Variants in B4GALT5 observed in about 807,000 individuals in gnomAD.
The protein encoded by B4GALT5 is UDP-Gal:beta-GlcNAc beta-1,4-galactosyltransferase 5.
B4GALT5 carries 11 observed loss-of-function variants against 45.0 expected under a neutral mutation model. The observed-to-expected ratio is 0.24, with a 90% CI of 0.15 to 0.40. B4GALT5 has a LOEUF of 0.40. B4GALT5 is among the 10% of genes least tolerant of loss of function. The pLI, the probability that B4GALT5 is intolerant of heterozygous loss-of-function variation, is 1.00. For synonymous variants in B4GALT5, 185 were observed against 182.9 expected (o/e 1.01, Z -0.09); for missense variants, 337 against 500.2 (o/e 0.67, Z 3.11).
rs763305191 is a variant in B4GALT5, at chr20:49,656,690, A to C, written c.128T>G (p.Leu43Arg). 1 of 1,614,202 alleles carries C rather than the reference A, an allele frequency of 6.2e-7. No individual in the cohort carries two copies. The highest frequency in any genetic ancestry group is 1.1e-5 in the South Asian group (1 of 91,090). Reference protein sequence around the residue: ...YVAPGIVNTYLFMMQAQGILI... With the variant: ...YVAPGIVNTYRFMMQAQGILI... ...AATGCCTTGGGCTTGCATCATGAAG[A>C]GGTAGGTGTTCACTGCAGAAAGCAA... Residue 43 changes from leucine to arginine, a missense_variant, in exon 2 of 9, where the codon CTC becomes CGC. Around this residue, in one of 2 missense-constraint regions of B4GALT5, gnomAD observed 174 missense variants for 207.4 expected, o/e 0.84. Transcript: ENST00000371711.
chr20:49,678,051 AAT>A (rs1458228154), intron 1 of B4GALT5, among the ~76,000 whole-genome samples: 1 of 152,198 alleles, frequency 6.6e-6, no homozygotes, highest in African/African-American at 2.4e-5. Context: ...CCCAGCCTGA[AAT>A]ATCTTTTAAA....
chr20:49,639,301 A>G (rs923239097), intron 7 of B4GALT5, among the ~76,000 whole-genome samples: 1 of 152,170 alleles, frequency 6.6e-6, no homozygotes, highest in Non-Finnish European at 1.5e-5. Flanking sequence ...GTTTTTTAAG[A>G]TATTAAGATA....
chr20:49,675,235 A>C (rs980060840), intron 1 of B4GALT5, among the ~76,000 whole-genome samples: 12 of 152,180 alleles, frequency 7.9e-5, no homozygotes, highest in Non-Finnish European at 1.5e-4. Flanking sequence ...CTCTCAAACA[A>C]AAGTCAATTC....
rs2085545635 is a variant in B4GALT5 at position 49,635,110 on chromosome 20, A to G, written c.*1202T>C. 2.0e-5 allele frequency: 3 copies of G among 152,238 alleles called. No homozygotes were observed. The highest frequency in any genetic ancestry group is 6.5e-5 in the Admixed American group (1 of 15,270). 9.4% of individuals were successfully genotyped at this position (152,238 alleles called of 1,614,324 possible). A position where few individuals can be genotyped will look rare whatever the true frequency, so the allele number is the denominator to read the frequency against. The stretch of plus-strand genomic sequence containing the variant: ...TGACAAAGAATCTTTCCAGAAACCA[A>G]AAAGGGACACAGAGGAATCACTGAA... On this transcript the variant is annotated 3_prime_UTR_variant, in exon 9 of 9. Coordinates refer to ENST00000371711, the MANE Select transcript of B4GALT5 (RefSeq NM_004776.4).
At chr20:49,650,297 T>C (rs555662802) in intron 2 of B4GALT5, among the ~76,000 whole-genome samples, 1 of 152,004 alleles carries the variant, frequency 6.6e-6, no homozygotes, top group Admixed American at 6.6e-5. Flanking sequence ...TTACTCTACA[T>C]CTTGGGAGGG....
At chr20:49,704,526 C>T (rs2085875982) in intron 1 of B4GALT5, among the ~76,000 whole-genome samples, 2 of 151,504 alleles carry the variant, frequency 1.3e-5, no homozygotes, top group South Asian at 4.2e-4. Flanking sequence ...GAGACCATCC[C>T]GGCTAAAACG....
intron 1 of B4GALT5, among the ~76,000 whole-genome samples, chr20:49,699,426 TA>T (rs1380784181): frequency 1.6e-5 from 2 of 126,664 alleles, no homozygotes; most frequent in Non-Finnish European, 3.3e-5. Context: ...AGGCCCCATA[TA>T]ACCATCAAGC....
chr20:49,673,976 G>A lies in B4GALT5; in HGVS notation c.116-17274C>T, dbSNP rs71351980. Among the ~76,000 whole-genome samples the A allele has an allele frequency of 5.3e-5, 8 of 149,798 alleles. No homozygotes were observed. In the East Asian group the frequency reaches 1.4e-3, roughly 26 times the overall value. On this transcript the variant is annotated intron_variant, in intron 1 of 8. Transcript: ENST00000371711. The stretch of plus-strand genomic sequence containing the variant: ...CTGGGGGCCAGGCATGGTGGTTCAC[G>A]CCTGTAATCCCACCACTTTGGGAGG...
In B4GALT5 at chr20:49,710,418, T is replaced by G. The variant is rs1188283645; in HGVS notation, c.115+3158A>C. On this transcript the variant is annotated intron_variant, in intron 1 of 8. Transcript: ENST00000371711. ...TATTTTCTCTCTCTTTTTTTTTTTT[T>G]TGTGTGTGTGTGTGTGTATGAGACA... Among the ~76,000 whole-genome samples the G allele has an allele frequency of 1.2e-3, 179 of 148,564 alleles. 1 individual carries two copies. The highest frequency in any genetic ancestry group is 5.1e-3 in the Admixed American group (76 of 14,964).
chr20:49,636,201 G>A lies in B4GALT5; in HGVS notation c.*111C>T. On this transcript the variant is annotated 3_prime_UTR_variant, in exon 9 of 9. Transcript: ENST00000371711. ...CCCTGAACTCTGTGATCCTTCATGAGACACAGTATTTCTGTTCTCTTGCTG... is the reference window on the plus strand; with the variant it reads ...CCCTGAACTCTGTGATCCTTCATGAAACACAGTATTTCTGTTCTCTTGCTG... 1.4e-5 allele frequency: 19 copies of A among 1,347,688 alleles called. No individual in the cohort carries two copies. In the South Asian group the frequency reaches 2.5e-4, roughly 18 times the overall value. The allele number at this position is 1,347,688 out of a possible 1,614,324, so 83.5% of individuals were successfully genotyped here. A position where few individuals can be genotyped will look rare whatever the true frequency, so the allele number is the denominator to read the frequency against.
intron 1 of B4GALT5, among the ~76,000 whole-genome samples, chr20:49,702,349 G>T (rs1720957103): frequency 6.6e-6 from 1 of 152,102 alleles, no homozygotes; most frequent in South Asian, 2.1e-4. Context: ...GAAAAAGAAT[G>T]GGCACACTGT....
chr20:49,683,376 C>A (rs1326330498), intron 1 of B4GALT5, among the ~76,000 whole-genome samples: 1 of 146,252 alleles, frequency 6.8e-6, no homozygotes, highest in East Asian at 2.0e-4. Context: ...GAGGGCTAGA[C>A]AGGTTTAAAT....
intron 1 of B4GALT5, among the ~76,000 whole-genome samples, chr20:49,659,666 A>T (rs537552062): frequency 1.3e-5 from 2 of 152,296 alleles, no homozygotes; most frequent in Non-Finnish European, 1.5e-5. Context: ...TTTAAGGAAC[A>T]CTCACCAATA....
chr20:49,643,252 A>C (rs547248016), intron 4 of B4GALT5, among the ~76,000 whole-genome samples: 1 of 152,330 alleles, frequency 6.6e-6, no homozygotes, highest in Non-Finnish European at 1.5e-5. Flanking sequence ...CAAATGGGTC[A>C]TTAGAGACCA....
At chr20:49,704,164 A>G (rs544189545) in intron 1 of B4GALT5, among the ~76,000 whole-genome samples, 1 of 152,334 alleles carries the variant, frequency 6.6e-6, no homozygotes, top group East Asian at 1.9e-4. Flanking sequence ...TTGGTTCCTG[A>G]AAGTAGAACT....
intron 1 of B4GALT5, among the ~76,000 whole-genome samples, chr20:49,687,961 C>T (rs1397593064): frequency 3.3e-5 from 5 of 151,956 alleles, no homozygotes; most frequent in African/African-American, 4.8e-5. Flanking sequence ...AGACACAATC[C>T]GGAAGGGTAA....
chr20:49,670,442 T>C (rs1191297264), intron 1 of B4GALT5, among the ~76,000 whole-genome samples: 3 of 152,164 alleles, frequency 2.0e-5, no homozygotes, highest in East Asian at 3.8e-4. Flanking sequence ...TTTATTTTTT[T>C]GAGACAGGGT....
At chr20:49,691,494 C>G (rs1421057056) in intron 1 of B4GALT5, among the ~76,000 whole-genome samples, 2 of 152,030 alleles carry the variant, frequency 1.3e-5, no homozygotes, top group Non-Finnish European at 2.9e-5. Context: ...TGCACTCCAG[C>G]CTGAGTGACA....
At position 49,633,633 on chromosome 20, in the gene B4GALT5, T is replaced by C. The variant is rs1197166403; in HGVS notation, c.*2679A>G. On this transcript the variant is annotated 3_prime_UTR_variant, in exon 9 of 9. Transcript: ENST00000371711. ...ATCAAAGTGACCCCACTTTAAGCAGTGAAAAAAGACCTTTCCTTTTGTTCT... is the reference window on the plus strand; with the variant it reads ...ATCAAAGTGACCCCACTTTAAGCAGCGAAAAAAGACCTTTCCTTTTGTTCT... The C allele has an allele frequency of 6.6e-6, 1 of 152,200 alleles. No homozygotes were observed. Among genetic ancestry groups the C allele is most frequent in the Middle Eastern group, 3.4e-3 (1 of 294 alleles). 9.4% of individuals were successfully genotyped at this position (152,200 alleles called of 1,614,324 possible). A position where few individuals can be genotyped will look rare whatever the true frequency, so the allele number is the denominator to read the frequency against.
Sources: gnomAD v4.1 joint callset for allele counts (sites outside exome capture counted in the v4.1 genomes callset) on GRCh38, gnomAD v4.1.1 for gene constraint, gnomAD v4.1.1 regional missense constraint, MANE v1.5 for transcripts, NCBI Gene and HGNC (gene_info 2026-07-23, HGNC 2026-07-21) for gene names.